The following COLEC12 variants were observed in gnomAD, a reference collection of about 807,000 sequenced individuals.
The protein encoded by COLEC12 is collectin-12.
Under a neutral mutation model 71.1 loss-of-function variants are expected in COLEC12, and 33 were observed. The observed-to-expected ratio is 0.46, with a 90% CI of 0.35 to 0.62. The LOEUF is 0.62. Among genes scored for constraint, COLEC12 ranks in the 20% least tolerant of loss-of-function variants. The probability of loss-of-function intolerance (pLI) is 0.00; values close to 1 mark genes in which losing one functional copy is unlikely to be tolerated. For missense variants in COLEC12, 765 were observed against 916.1 expected (o/e 0.84, Z 2.13); for synonymous variants, 350 against 353.0 (o/e 0.99, Z 0.10).
chr18:359,353 T>C (rs979573665), intron 2 of COLEC12, among the ~76,000 whole-genome samples: 3 of 152,236 alleles, frequency 2.0e-5, no homozygotes, highest in African/African-American at 7.2e-5. Context: ...TAATGTATTA[T>C]AACCTATGGC....
chr18:498,363 C>CTTTTTTTTTT lies in COLEC12; in HGVS notation c.7+2135_7+2144dup, dbSNP rs542727500. Among the ~76,000 whole-genome samples the CTTTTTTTTTT allele has an allele frequency of 1.5e-3, 151 of 100,718 alleles. 3 individuals are homozygous for CTTTTTTTTTT. Among genetic ancestry groups the CTTTTTTTTTT allele is most frequent in the African/African-American group, 3.2e-3 (71 of 21,876 alleles). 66.1% of individuals were successfully genotyped at this position (100,718 alleles called of 152,430 possible). On this transcript the variant is annotated intron_variant, in intron 1 of 9. Transcript: ENST00000400256. ...AAAACTCTCATGGAATATTTTTTTT[C>CTTTTTTTTTT]TTTTTTTTTTTTTTAGACGGAGTCT...
At chr18:496,870 A>C (rs1917722307) in intron 1 of COLEC12, among the ~76,000 whole-genome samples, 1 of 152,104 alleles carries the variant, frequency 6.6e-6, no homozygotes, top group South Asian at 2.1e-4. Context: ...AATATCCCCA[A>C]CTTTAAGAAC....
At chr18:409,039 T>C (rs1342070396) in intron 2 of COLEC12, among the ~76,000 whole-genome samples, 1 of 151,982 alleles carries the variant, frequency 6.6e-6, no homozygotes, top group Non-Finnish European at 1.5e-5. Flanking sequence ...TTTCACCATG[T>C]TGGTCAAGCT....
At position 500,371 on chromosome 18, in the gene COLEC12, C is replaced by T; in HGVS notation, c.7+137G>A. The T allele has an allele frequency of 1.8e-6, 1 of 547,072 alleles. No homozygotes were observed. The allele number at this position is 547,072 out of a possible 1,614,324, so 33.9% of individuals were successfully genotyped here. A position where few individuals can be genotyped will look rare whatever the true frequency, so the allele number is the denominator to read the frequency against. The stretch of plus-strand genomic sequence containing the variant: ...GCGCCCCCAGTGTCCGCGCACGAAC[C>T]CGGCGCCCTGGCAGCCCCGACTCCC... On this transcript the variant is annotated intron_variant, in intron 1 of 9. Coordinates refer to ENST00000400256, the MANE Select transcript of COLEC12 (RefSeq NM_130386.3). The surrounding 1 kb of genome is among the most constrained non-coding windows in gnomAD (Gnocchi z 5.3).
intron 2 of COLEC12, among the ~76,000 whole-genome samples, chr18:406,190 G>C (rs11659550): frequency 0.29 from 44,740 of 151,884 alleles, 6,925 homozygotes; most frequent in Middle Eastern, 0.38. Flanking sequence ...CCCTTGTTTA[G>C]CATATCATCA....
chr18:442,706 A>C (rs938966042), intron 2 of COLEC12, among the ~76,000 whole-genome samples: 7 of 152,260 alleles, frequency 4.6e-5, no homozygotes, highest in Admixed American at 3.3e-4. Flanking sequence ...TCACGCCTGT[A>C]ATCCCAGTAC....
intron 2 of COLEC12, among the ~76,000 whole-genome samples, chr18:440,665 T>G (rs1246480763): frequency 1.3e-5 from 2 of 152,226 alleles, no homozygotes; most frequent in African/African-American, 4.8e-5. Context: ...CTTATCAGTC[T>G]TCTGTATCCA....
intron 2 of COLEC12, among the ~76,000 whole-genome samples, chr18:384,675 C>T (rs940260779): frequency 3.3e-5 from 5 of 152,252 alleles, no homozygotes; most frequent in African/African-American, 7.2e-5. Flanking sequence ...AGAAGGAGGT[C>T]GGCACAAGAC....
Position 462,136 on chromosome 18 carries a change from C to T in COLEC12, c.58+18571G>A, listed in dbSNP as rs567110656. ...CACTTTGGGATACACTCAGGCAGTTCCTCCAAAGATTAAACACAGAGTTAT... is the reference window on the plus strand; with the variant it reads ...CACTTTGGGATACACTCAGGCAGTTTCTCCAAAGATTAAACACAGAGTTAT... On this transcript the variant is annotated intron_variant, in intron 2 of 9. Coordinates refer to ENST00000400256, the MANE Select transcript of COLEC12 (RefSeq NM_130386.3). 2.6e-5 allele frequency among the ~76,000 whole-genome samples: 4 copies of T among 152,244 alleles called. No homozygotes were observed. In the South Asian group the frequency reaches 8.3e-4, roughly 32 times the overall value.
At chr18:320,895 G>A (rs1475460438) in intron 9 of COLEC12, among the ~76,000 whole-genome samples, 1 of 152,118 alleles carries the variant, frequency 6.6e-6, no homozygotes, top group East Asian at 1.9e-4. Flanking sequence ...AAGCTGCTTT[G>A]GCTTATGAGC....
At chr18:357,668 C>T (rs1018548915) in intron 2 of COLEC12, 146 bp from the exon 3 acceptor site, 2 of 594,926 alleles carry the variant, frequency 3.4e-6, no homozygotes, top group Admixed American at 3.5e-5. Context: ...ACAGTAAACA[C>T]ACTGCTTGAG....
intron 2 of COLEC12, among the ~76,000 whole-genome samples, chr18:373,891 T>G (rs1488055453): frequency 1.3e-5 from 2 of 152,228 alleles, no homozygotes; most frequent in African/African-American, 4.8e-5. Context: ...TACTCTGCTG[T>G]GAAGACGCTA....
intron 8 of COLEC12, among the ~76,000 whole-genome samples, chr18:330,081 AAAAC>A (rs1913937852): frequency 6.6e-6 from 1 of 152,190 alleles, no homozygotes; most frequent in Admixed American, 6.5e-5. Flanking sequence ...TTGTCCCTTA[AAAAC>A]AAACAAATAA....
At chr18:339,048 G>A (rs1457419179) in intron 5 of COLEC12, among the ~76,000 whole-genome samples, 2 of 148,406 alleles carry the variant, frequency 1.3e-5, no homozygotes, top group Non-Finnish European at 3.0e-5. Flanking sequence ...TGGGGTTGGT[G>A]CTATCCTTGC....
At chr18:336,201 G>T (rs944381416) in intron 5 of COLEC12, among the ~76,000 whole-genome samples, 1 of 152,106 alleles carries the variant, frequency 6.6e-6, no homozygotes, top group African/African-American at 2.4e-5. Flanking sequence ...CACCAAAGCT[G>T]TGGGGGTGCT....
At chr18:452,042 C>G (rs1427184973) in intron 2 of COLEC12, among the ~76,000 whole-genome samples, 2 of 152,294 alleles carry the variant, frequency 1.3e-5, no homozygotes, top group African/African-American at 2.4e-5. Flanking sequence ...TTTTCTCATA[C>G]CTAGATGGTA....
intron 2 of COLEC12, among the ~76,000 whole-genome samples, chr18:369,411 T>TTA (rs1914948709): frequency 7.0e-6 from 1 of 142,870 alleles, no homozygotes; most frequent in Admixed American, 7.1e-5. Context: ...TTTTTTATTT[T>TTA]TATTTTTATT....
At chr18:336,776 A>T (rs910288263) in intron 5 of COLEC12, among the ~76,000 whole-genome samples, 2 of 152,168 alleles carry the variant, frequency 1.3e-5, no homozygotes, top group Non-Finnish European at 2.9e-5. Context: ...AATGAATCTT[A>T]GAGTTTCTGA....
chr18:497,996 C>CT (rs1465821817), intron 1 of COLEC12, among the ~76,000 whole-genome samples: 3 of 152,198 alleles, frequency 2.0e-5, no homozygotes, highest in Non-Finnish European at 1.5e-5. Flanking sequence ...CTCAGATTCA[C>CT]TTTTTTTTCC....
Sources: gnomAD v4.1 joint callset for allele counts (sites outside exome capture counted in the v4.1 genomes callset) on GRCh38, gnomAD v4.1.1 for gene constraint, Gnocchi (gnomAD v3.1) non-coding constraint, MANE v1.5 for transcripts, NCBI Gene and HGNC (gene_info 2026-07-23, HGNC 2026-07-21) for gene names.